Variants in TGFA observed in about 807,000 individuals in gnomAD.
TGFA encodes the protein transforming growth factor alpha, also known as protransforming growth factor alpha.
In TGFA, 12 loss-of-function variants were observed where a neutral mutation model predicts 21.7. That is an observed-to-expected ratio of 0.55 (90% CI 0.35 to 0.90). TGFA has a LOEUF of 0.90. TGFA is among the 40% of genes least tolerant of loss of function. The pLI, the probability that TGFA is intolerant of heterozygous loss-of-function variation, is 0.01. For missense variants in TGFA, 178 were observed against 210.8 expected (o/e 0.84, Z 0.96); for synonymous variants, 79 against 88.1 (o/e 0.90, Z 0.58).
rs1672737574 is a variant in TGFA at position 70,529,253 on chromosome 2, C to T, written c.41-14341G>A. ...TTGTTTCTTTTCAAGCCAAACCTGC[C>T]AGGCAGTTCCGCAGAGACATCCAGG... On this transcript the variant is annotated intron_variant, in intron 1 of 5. Coordinates refer to ENST00000295400, the MANE Select transcript of TGFA (RefSeq NM_003236.4). Among the ~76,000 whole-genome samples the T allele has an allele frequency of 2.0e-5, 3 of 152,180 alleles. No homozygotes were observed. In the South Asian group the frequency reaches 6.2e-4, roughly 32 times the overall value.
At chr2:70,505,217 A>C (rs79290591) in intron 2 of TGFA, among the ~76,000 whole-genome samples, 2,148 of 152,278 alleles carry the variant, frequency 0.014, 42 homozygotes, top group African/African-American at 0.049. Context: ...ATAAAGGCAC[A>C]ACTACTCTCT....
At position 70,458,037 on chromosome 2, in the gene TGFA, G is replaced by T. The variant is rs377398177; in HGVS notation, c.216-1549C>A. 2.6e-5 allele frequency among the ~76,000 whole-genome samples: 4 copies of T among 152,306 alleles called. No homozygotes were observed. The East Asian group carries it at 5.8e-4, about 22-fold the overall frequency. ...TTGAAGACTAGGCACACTGAGAGGG[G>T]ATCACAGAACTCTGAATAAGAACAC... On this transcript the variant is annotated intron_variant, in intron 3 of 5. Coordinates refer to ENST00000295400, the MANE Select transcript of TGFA (RefSeq NM_003236.4).
chr2:70,496,859 C>T (rs1051968973), intron 2 of TGFA, among the ~76,000 whole-genome samples: 1 of 152,094 alleles, frequency 6.6e-6, no homozygotes, highest in Non-Finnish European at 1.5e-5. Flanking sequence ...GGGAGGCAGG[C>T]AAATAAGTAA....
chr2:70,537,628 C>T (rs1553504636), intron 1 of TGFA, among the ~76,000 whole-genome samples: 2 of 152,186 alleles, frequency 1.3e-5, no homozygotes, highest in African/African-American at 4.8e-5. Context: ...AAAACTTGCC[C>T]TTAAACCAAA....
intron 2 of TGFA, among the ~76,000 whole-genome samples, chr2:70,506,411 C>A (rs1671928053): frequency 6.6e-6 from 1 of 152,154 alleles, no homozygotes; most frequent in East Asian, 1.9e-4. Context: ...TGGTTGATGA[C>A]TAAAAATGCA....
intron 1 of TGFA, among the ~76,000 whole-genome samples, chr2:70,533,813 T>C (rs1304989917): frequency 2.6e-5 from 4 of 151,982 alleles, no homozygotes; most frequent in African/African-American, 9.7e-5. Flanking sequence ...AAGGGGAAAC[T>C]CTCCTAAAGG....
chr2:70,452,618 T>C (rs550756399), intron 5 of TGFA, among the ~76,000 whole-genome samples: 26 of 152,134 alleles, frequency 1.7e-4, no homozygotes, highest in Non-Finnish European at 3.5e-4. Flanking sequence ...TCAGTACTCC[T>C]CCAATTTGCA....
At chr2:70,543,046 T>G (rs1472125889) in intron 1 of TGFA, among the ~76,000 whole-genome samples, 1 of 151,860 alleles carries the variant, frequency 6.6e-6, no homozygotes, top group Non-Finnish European at 1.5e-5. Context: ...GAGGTTGCAG[T>G]GAGCCAAGAT....
intron 2 of TGFA, among the ~76,000 whole-genome samples, chr2:70,483,494 T>C (rs1024265517): frequency 1.2e-4 from 18 of 152,216 alleles, no homozygotes; most frequent in African/African-American, 4.1e-4. Flanking sequence ...TCTGTGGTAT[T>C]AGGGGTCTTT....
chr2:70,476,150 G>GCTAA (rs1242376564), intron 2 of TGFA, among the ~76,000 whole-genome samples: 6 of 145,194 alleles, frequency 4.1e-5, no homozygotes, highest in Admixed American at 2.8e-4. Context: ...AGGACTGGAA[G>GCTAA]CTAAGCCTCC....
intron 2 of TGFA, among the ~76,000 whole-genome samples, chr2:70,506,250 A>G (rs781899974): frequency 4.1e-4 from 62 of 152,198 alleles, no homozygotes; most frequent in Non-Finnish European, 6.0e-4. Context: ...GGTCACACAC[A>G]TTTCACAGAC....
chr2:70,495,748 T>A (rs565569410), intron 2 of TGFA, among the ~76,000 whole-genome samples: 3 of 152,308 alleles, frequency 2.0e-5, no homozygotes, highest in African/African-American at 7.2e-5. Flanking sequence ...TATCATTAAC[T>A]ATAAGCACAA....
At chr2:70,534,991 G>A (rs556510549) in intron 1 of TGFA, among the ~76,000 whole-genome samples, 1 of 152,228 alleles carries the variant, frequency 6.6e-6, no homozygotes, top group African/African-American at 2.4e-5. Flanking sequence ...CTACTTGCTG[G>A]CAGAGGGAAC....
chr2:70,536,249 T>C (rs1672963839), intron 1 of TGFA, among the ~76,000 whole-genome samples: 1 of 152,162 alleles, frequency 6.6e-6, no homozygotes, highest in Non-Finnish European at 1.5e-5. Context: ...TCAAAATCCA[T>C]GAGGCAAAAA....
chr2:70,531,301 T>C (rs1553503699), intron 1 of TGFA, among the ~76,000 whole-genome samples: 4 of 152,168 alleles, frequency 2.6e-5, no homozygotes, highest in East Asian at 3.8e-4. Context: ...GTTTCAAACA[T>C]ACCAGTCCAC....
chr2:70,471,536 C>G (rs1269957951), intron 2 of TGFA, among the ~76,000 whole-genome samples: 1 of 152,164 alleles, frequency 6.6e-6, no homozygotes, highest in Admixed American at 6.5e-5. Flanking sequence ...CATTTGAGGG[C>G]CTTTAAAGGT....
intron 1 of TGFA, among the ~76,000 whole-genome samples, chr2:70,531,994 G>T (rs1269887917): frequency 1.3e-5 from 2 of 152,290 alleles, no homozygotes; most frequent in Middle Eastern, 3.4e-3. Context: ...AGAGACACTC[G>T]TTGGTATTGA....
chr2:70,458,925 C>T (rs897773731), intron 3 of TGFA, among the ~76,000 whole-genome samples: 16 of 152,160 alleles, frequency 1.1e-4, no homozygotes, highest in Admixed American at 6.5e-5. Flanking sequence ...GGCCGGGGAG[C>T]CTGGGCTTTG....
chr2:70,543,395 A>G (rs1553505429), intron 1 of TGFA, among the ~76,000 whole-genome samples: 1 of 151,552 alleles, frequency 6.6e-6, no homozygotes, highest in Admixed American at 6.6e-5. Context: ...TGGGCATGGT[A>G]CACAGCTGTA....
Sources: allele counts gnomAD v4.1 joint callset (sites outside exome capture counted in the v4.1 genomes callset), GRCh38; gene constraint gnomAD v4.1.1; transcripts MANE v1.5; gene names NCBI Gene and HGNC (gene_info 2026-07-23, HGNC 2026-07-21).